FAT3: variants seen among roughly 807,000 people sequenced by gnomAD.
FAT3 encodes protocadherin Fat 3.
In FAT3, 95 loss-of-function variants were observed where a neutral mutation model predicts 310.2. That is an observed-to-expected ratio of 0.31 (90% CI 0.26 to 0.36). The LOEUF is 0.36. Ranked by LOEUF, FAT3 falls within the 10% of genes least tolerant of loss-of-function variation. The pLI is 1.00. For missense variants in FAT3, 5,408 were observed against 5,715.6 expected (o/e 0.95, Z 1.74); for synonymous variants, 2,314 against 2,192.9 (o/e 1.06, Z -1.54).
intron 13 of FAT3, 137 bp downstream of exon 13, chr11:92,810,213 T>G: frequency 1.4e-6 from 1 of 720,692 alleles, no homozygotes; most frequent in Non-Finnish European, 2.3e-6. Flanking sequence ...AAACCCCATT[T>G]CAGCTATTCA....
chr11:92,660,094 CT>C (rs976501943), intron 3 of FAT3, among the ~76,000 whole-genome samples: 10 of 149,844 alleles, frequency 6.7e-5, no homozygotes, highest in African/African-American at 2.0e-4. Flanking sequence ...ACTTAGTATT[CT>C]TTTTTTTTTC....
chr11:92,796,683 T>C (rs999477601), intron 9 of FAT3, among the ~76,000 whole-genome samples: 13 of 152,308 alleles, frequency 8.5e-5, no homozygotes, highest in African/African-American at 2.6e-4. Flanking sequence ...TTGAGAAGTA[T>C]GAGAAAGCCT....
chr11:92,229,044 A>C (rs77429585), intron 1 of FAT3, among the ~76,000 whole-genome samples: 85 of 152,336 alleles, frequency 5.6e-4, no homozygotes, highest in African/African-American at 2.0e-3. Context: ...GGAAATTTAA[A>C]AGAAAGGGAT....
intron 1 of FAT3, among the ~76,000 whole-genome samples, chr11:92,330,913 G>A (rs1177650159): frequency 6.6e-6 from 1 of 151,332 alleles, no homozygotes; most frequent in African/African-American, 2.4e-5. Flanking sequence ...GCAAATTATG[G>A]TAATGGAGTA....
At chr11:92,514,942 G>A (rs983892521) in intron 2 of FAT3, among the ~76,000 whole-genome samples, 4 of 152,136 alleles carry the variant, frequency 2.6e-5, no homozygotes, top group Non-Finnish European at 4.4e-5. Flanking sequence ...AAATGGTGAG[G>A]ATCCTATCAC....
chr11:92,857,309 C>G lies in FAT3; in HGVS notation c.11461C>G (p.Leu3821Val), dbSNP rs780247621. ...TTATGAAGCCAGCAGGAGACCGTTC[C>G]TCTGCCAGTGTCCACCAGGGAAGCT... is the stretch of plus-strand genomic sequence containing the variant. ...VSYEASRRPFLCQCPPGKLGE... is the reference protein window; with the variant it reads ...VSYEASRRPFVCQCPPGKLGE... Residue 3821 changes from leucine to valine, a missense_variant, in exon 20 of 28, where the codon CTC becomes GTC. Physicochemically the swap from Leu to Val is conservative, Grantham distance 32 (BLOSUM62 1). Around this residue, in one of 5 missense-constraint regions of FAT3, gnomAD observed 4,588 missense variants for 4,809.8 expected, o/e 0.95. Coordinates refer to ENST00000525166, the MANE Select transcript of FAT3 (RefSeq NM_001367949.2). 1.9e-6 allele frequency: 3 copies of G among 1,613,988 alleles called. No individual in the cohort carries two copies. Among genetic ancestry groups the G allele is most frequent in the Non-Finnish European group, 2.5e-6 (3 of 1,179,870 alleles).
Position 92,561,250 on chromosome 11 carries a change from CGTGTGTGT to C in FAT3, c.3607+36335_3607+36342del, listed in dbSNP as rs66585879. On this transcript the variant is annotated intron_variant, in intron 3 of 27. Transcript: ENST00000525166. ...GACAGTCTCTCAGATCCTTCTACTT[CGTGTGTGT>C]GTGTGTGTGTGTGTGTGTGTGTGTG... Among the ~76,000 whole-genome samples, 274 of 148,490 alleles carry C rather than the reference CGTGTGTGT, an allele frequency of 1.8e-3. 1 individual carries two copies. The highest frequency in any genetic ancestry group is 4.0e-4 in the East Asian group (2 of 5,048).
intron 3 of FAT3, among the ~76,000 whole-genome samples, chr11:92,543,736 A>G (rs1295768803): frequency 6.6e-6 from 1 of 152,218 alleles, no homozygotes; most frequent in East Asian, 1.9e-4. Context: ...CCGACCTTTA[A>G]TGAGTTGATG....
chr11:92,412,752 C>CACACACACATATATATATAT (rs1565296555), intron 2 of FAT3, among the ~76,000 whole-genome samples: 1 of 24,274 alleles, frequency 4.1e-5, no homozygotes, highest in Non-Finnish European at 9.4e-5. Flanking sequence ...TATAAATATA[C>CACACACACATATATATATAT]ATACATATAT....
chr11:92,553,294 A>G (rs1333663351), intron 3 of FAT3, among the ~76,000 whole-genome samples: 1 of 152,208 alleles, frequency 6.6e-6, no homozygotes, highest in Non-Finnish European at 1.5e-5. Context: ...TGAAGTAATA[A>G]TAAGCCCAAT....
intron 1 of FAT3, among the ~76,000 whole-genome samples, chr11:92,325,590 A>G (rs1291622971): frequency 6.6e-6 from 1 of 152,144 alleles, no homozygotes; most frequent in African/African-American, 2.4e-5. Context: ...TTTGGAATGC[A>G]GGACTTTGGC....
At chr11:92,645,894 C>T (rs1204508134) in intron 3 of FAT3, among the ~76,000 whole-genome samples, 2 of 152,198 alleles carry the variant, frequency 1.3e-5, no homozygotes, top group African/African-American at 2.4e-5. Flanking sequence ...GGGTATTCCA[C>T]AGCTCTGTGT....
chr11:92,533,574 G>A (rs1042458146), intron 3 of FAT3, among the ~76,000 whole-genome samples: 6 of 152,166 alleles, frequency 3.9e-5, no homozygotes, highest in African/African-American at 7.2e-5. Flanking sequence ...TGAATTACAG[G>A]CAGGGATAGG....
chr11:92,439,314 C>G (rs1951017348), intron 2 of FAT3, among the ~76,000 whole-genome samples: 1 of 152,000 alleles, frequency 6.6e-6, no homozygotes. Flanking sequence ...TCTCATATGC[C>G]ATGTCTTATT....
rs144198033 is a variant in FAT3 at position 92,863,862 on chromosome 11, A to T, written c.11659-2879A>T. Among the ~76,000 whole-genome samples the T allele has an allele frequency of 2.4e-4, 36 of 152,332 alleles. No homozygotes were observed. In the East Asian group the frequency reaches 6.4e-3, roughly 27 times the overall value. On this transcript the variant is annotated intron_variant, in intron 21 of 27. Coordinates refer to ENST00000525166, the MANE Select transcript of FAT3 (RefSeq NM_001367949.2). ...TATAACTGTGCAATAGCAAAAGATTATTAACTTTTCACAAGGTAACTTTTG... is the reference window on the plus strand; with the variant it reads ...TATAACTGTGCAATAGCAAAAGATTTTTAACTTTTCACAAGGTAACTTTTG...
intron 2 of FAT3, among the ~76,000 whole-genome samples, chr11:92,470,365 A>G (rs1317520328): frequency 6.6e-6 from 1 of 152,214 alleles, no homozygotes; most frequent in Non-Finnish European, 1.5e-5. Context: ...TATATAATGT[A>G]TACTTTTTAT....
chr11:92,765,098 G>C lies in FAT3; in HGVS notation c.4195+9G>C, dbSNP rs777925524. 2 of 1,607,806 alleles carry C rather than the reference G, an allele frequency of 1.2e-6. No homozygotes were observed. Among genetic ancestry groups the C allele is most frequent in the African/African-American group, 2.7e-5 (2 of 73,862 alleles). On this transcript the variant is annotated intron_variant, in intron 6 of 27. Transcript: ENST00000525166. ...GTGGTTTGACATAGTTGGTAAGTTC[G>C]AGTCTTACAGAGCAGTATCATGCAA...
intron 1 of FAT3, among the ~76,000 whole-genome samples, chr11:92,256,758 G>C (rs2134292865): frequency 1.3e-5 from 2 of 152,244 alleles, no homozygotes; most frequent in East Asian, 3.9e-4. Flanking sequence ...TATGAGGTAG[G>C]TATTGTTAGG....
At chr11:92,526,873 T>G (rs2135369619) in intron 3 of FAT3, among the ~76,000 whole-genome samples, 1 of 152,332 alleles carries the variant, frequency 6.6e-6, no homozygotes, top group East Asian at 1.9e-4. Context: ...CCTTGTAGTT[T>G]CCAGACACAT....
Sources: gnomAD v4.1 joint callset for allele counts (sites outside exome capture counted in the v4.1 genomes callset) on GRCh38, gnomAD v4.1.1 for gene constraint, gnomAD v4.1.1 regional missense constraint, MANE v1.5 for transcripts, NCBI Gene and HGNC (gene_info 2026-07-23, HGNC 2026-07-21) for gene names.